CEP85L: variants seen among roughly 807,000 people sequenced by gnomAD.
CEP85L encodes centrosomal protein 85L, also known as centrosomal protein of 85 kDa-like.
CEP85L carries 60 observed loss-of-function variants against 100.3 expected under a neutral mutation model. The observed-to-expected ratio is 0.60, with a 90% CI of 0.49 to 0.74. The LOEUF (loss-of-function observed/expected upper bound fraction) is 0.74, where lower values mean the gene tolerates loss of function less well. CEP85L is among the 30% of genes least tolerant of loss of function. The probability of loss-of-function intolerance (pLI) is 0.00; values close to 1 mark genes in which losing one functional copy is unlikely to be tolerated. For synonymous variants in CEP85L, 319 were observed against 322.7 expected (o/e 0.99, Z 0.12); for missense variants, 973 against 936.2 (o/e 1.04, Z -0.51).
intron 1 of CEP85L, among the ~76,000 whole-genome samples, chr6:118,669,247 C>T (rs559892661): frequency 7.2e-5 from 11 of 152,294 alleles, no homozygotes; most frequent in African/African-American, 2.2e-4. Flanking sequence ...TCAAAACAAA[C>T]CATCCTCTGA....
intron 1 of CEP85L, among the ~76,000 whole-genome samples, chr6:118,648,757 A>AG (rs2115377425): frequency 6.6e-6 from 1 of 151,884 alleles, no homozygotes; most frequent in South Asian, 2.1e-4. Flanking sequence ...AAAAAAAAAA[A>AG]ACTAAAGTGG....
intron 2 of CEP85L, among the ~76,000 whole-genome samples, chr6:118,597,631 T>C (rs892304468): frequency 7.9e-5 from 12 of 152,148 alleles, no homozygotes; most frequent in African/African-American, 2.9e-4. Flanking sequence ...TAGTTTTAAA[T>C]TAATTCAAAG....
At chr6:118,467,971 T>C (rs1477796277) in intron 12 of CEP85L, among the ~76,000 whole-genome samples, 3 of 152,222 alleles carry the variant, frequency 2.0e-5, no homozygotes, top group Non-Finnish European at 2.9e-5. Flanking sequence ...ATTTGGTTAA[T>C]GTGTGGACAA....
intron 4 of CEP85L, among the ~76,000 whole-genome samples, chr6:118,521,049 G>A (rs1179647682): frequency 6.6e-6 from 1 of 151,924 alleles, no homozygotes; most frequent in Non-Finnish European, 1.5e-5. Flanking sequence ...ATGTAATTTT[G>A]GATAATATAT....
intron 1 of CEP85L, chr6:118,710,002 A>G (rs1390519277): frequency 6.6e-6 from 1 of 152,238 alleles, no homozygotes; most frequent in Non-Finnish European, 1.5e-5. Flanking sequence ...AGAAAAAAAA[A>G]GGAAAATGCT....
intron 2 of CEP85L, among the ~76,000 whole-genome samples, chr6:118,600,370 T>TGCGTGCGCGTGG (rs58066356): frequency 1.2e-5 from 1 of 86,368 alleles, no homozygotes; most frequent in Non-Finnish European, 2.6e-5. Context: ...TGTGTGTGTG[T>TGCGTGCGCGTGG]AACGCCATGG....
intron 1 of CEP85L, among the ~76,000 whole-genome samples, chr6:118,663,759 A>G (rs1175961845): frequency 6.6e-6 from 1 of 152,196 alleles, no homozygotes; most frequent in South Asian, 2.1e-4. Flanking sequence ...AGTCTCTTAT[A>G]TAGAAGGGCA....
chr6:118,572,587 A>C (rs1422270623), intron 2 of CEP85L, among the ~76,000 whole-genome samples: 1 of 152,054 alleles, frequency 6.6e-6, no homozygotes, highest in Non-Finnish European at 1.5e-5. Flanking sequence ...ATAAATAAAC[A>C]AATAAATAAA....
chr6:118,563,680 G>A (rs1309881705), intron 3 of CEP85L, among the ~76,000 whole-genome samples: 3 of 152,098 alleles, frequency 2.0e-5, no homozygotes, highest in Non-Finnish European at 4.4e-5. Flanking sequence ...CAAACTCCTG[G>A]ACTCAGGCAA....
chr6:118,651,739 C>T (rs866252457), upstream of CEP85L: 85 of 986,734 alleles, frequency 8.6e-5, no homozygotes, highest in Non-Finnish European at 9.9e-5. Flanking sequence ...TACCCCGACC[C>T]CGCTTCGCCT....
intron 3 of CEP85L, among the ~76,000 whole-genome samples, chr6:118,547,218 T>C (rs577911821): frequency 1.3e-5 from 2 of 152,112 alleles, no homozygotes; most frequent in South Asian, 4.2e-4. Context: ...AGACAACAAA[T>C]TAGATAAACA....
At chr6:118,687,609 TA>T (rs1252963739) in intron 1 of CEP85L, among the ~76,000 whole-genome samples, 1 of 152,196 alleles carries the variant, frequency 6.6e-6, no homozygotes, top group African/African-American at 2.4e-5. Flanking sequence ...GCTCGGGATA[TA>T]AACCCAGGCA....
At chr6:118,660,414 G>A (rs1321758727) in intron 1 of CEP85L, among the ~76,000 whole-genome samples, 1 of 152,238 alleles carries the variant, frequency 6.6e-6, no homozygotes, top group Non-Finnish European at 1.5e-5. Flanking sequence ...CTGCAGTCAG[G>A]AGCTGGGGGA....
intron 2 of CEP85L, among the ~76,000 whole-genome samples, chr6:118,583,117 G>C (rs903603244): frequency 1.3e-5 from 2 of 152,216 alleles, no homozygotes; most frequent in African/African-American, 2.4e-5. Flanking sequence ...GAGACCACTG[G>C]AGATGGATCT....
intron 2 of CEP85L, among the ~76,000 whole-genome samples, chr6:118,620,286 AACCTGGTG>A (rs1773352743): frequency 6.6e-6 from 1 of 152,200 alleles, no homozygotes; most frequent in East Asian, 1.9e-4. Flanking sequence ...GGCATTATTA[AACCTGGTG>A]ACCTTGGTGT....
intron 2 of CEP85L, among the ~76,000 whole-genome samples, chr6:118,573,397 C>A (rs1780025211): frequency 6.6e-6 from 1 of 152,098 alleles, no homozygotes; most frequent in Admixed American, 6.6e-5. Context: ...TTTGGAGACT[C>A]ACTGAAAGAA....
At chr6:118,672,871 A>C (rs1776358757) in intron 1 of CEP85L, among the ~76,000 whole-genome samples, 1 of 152,044 alleles carries the variant, frequency 6.6e-6, no homozygotes, top group Admixed American at 6.6e-5. Flanking sequence ...AGAAAAGAGA[A>C]GACAATGACA....
At chr6:118,482,050 A>G (rs1773829866) in intron 7 of CEP85L, 117 bp from the exon 8 acceptor site, 3 of 511,070 alleles carry the variant, frequency 5.9e-6, no homozygotes, top group South Asian at 5.2e-5. Context: ...AAAAAAAAAA[A>G]GAATCACACT....
At chr6:118,567,247 G>GTATATATA (rs1323097174) in intron 2 of CEP85L, among the ~76,000 whole-genome samples, 3 of 31,912 alleles carry the variant, frequency 9.4e-5, no homozygotes, top group Non-Finnish European at 1.8e-4. Flanking sequence ...GTGTGTGTGT[G>GTATATATA]TGTATATATA....
Sources: gnomAD v4.1 joint callset for allele counts (sites outside exome capture counted in the v4.1 genomes callset) on GRCh38, gnomAD v4.1.1 for gene constraint, MANE v1.5 for transcripts, NCBI Gene and HGNC (gene_info 2026-07-23, HGNC 2026-07-21) for gene names.